UNC13C: variants seen among roughly 807,000 people sequenced by gnomAD.
UNC13C encodes the protein unc-13 homolog C, also known as protein unc-13 homolog C.
A neutral mutation model predicts 245.4 loss-of-function variants in UNC13C; 174 were observed. That is an observed-to-expected ratio of 0.71 (90% CI 0.63 to 0.80). The LOEUF (loss-of-function observed/expected upper bound fraction) is 0.80. Ranked by LOEUF, UNC13C falls within the 30% of genes least tolerant of loss-of-function variation. The pLI, the probability that UNC13C is intolerant of heterozygous loss-of-function variation, is 0.00. For missense variants in UNC13C, 2,829 were observed against 2,602.9 expected (o/e 1.09, Z -1.89); for synonymous variants, 992 against 895.1 (o/e 1.11, Z -1.93).
In UNC13C at chr15:54,261,416, A is replaced by C. The variant is rs528975125; in HGVS notation, c.3449-2752A>C. ...ATAGGGCAATGGAAAGTACTTGTAA[A>C]TCAGTGACAAAAATTTATTATGAAT... On this transcript the variant is annotated intron_variant, in intron 8 of 32. Coordinates refer to ENST00000260323, the MANE Select transcript of UNC13C (RefSeq NM_001080534.3). Among the ~76,000 whole-genome samples, 4 of 152,364 alleles carry C rather than the reference A, an allele frequency of 2.6e-5. No homozygotes were observed. The South Asian group carries it at 8.3e-4, about 32-fold the overall frequency.
At chr15:54,198,468 G>A (rs552244948) in intron 4 of UNC13C, among the ~76,000 whole-genome samples, 1 of 152,236 alleles carries the variant, frequency 6.6e-6, no homozygotes, top group East Asian at 1.9e-4. Context: ...TCACTCCCCT[G>A]CTACCTCCAG....
intron 29 of UNC13C, among the ~76,000 whole-genome samples, chr15:54,557,897 A>G (rs1016158933): frequency 5.3e-5 from 8 of 152,094 alleles, no homozygotes; most frequent in African/African-American, 1.9e-4. Flanking sequence ...TGTGGCACAT[A>G]TACACCATGG....
At chr15:54,588,495 C>A (rs1898602973) in intron 30 of UNC13C, among the ~76,000 whole-genome samples, 1 of 152,106 alleles carries the variant, frequency 6.6e-6, no homozygotes, top group Non-Finnish European at 1.5e-5. Flanking sequence ...ACAAATACTT[C>A]ATAGTAAATT....
At chr15:54,237,278 C>CA (rs2035726285) in intron 6 of UNC13C, among the ~76,000 whole-genome samples, 4 of 152,138 alleles carry the variant, frequency 2.6e-5, no homozygotes, top group Admixed American at 2.6e-4. Context: ...GAATATATCA[C>CA]AACCACCTTG....
At chr15:54,297,767 T>C in intron 11 of UNC13C, 44 bp from the exon 12 acceptor site, 1 of 1,395,270 alleles carries the variant, frequency 7.2e-7, no homozygotes. Flanking sequence ...GAGAAAAACA[T>C]TATTGTCAGA....
intron 19 of UNC13C, among the ~76,000 whole-genome samples, chr15:54,452,140 A>G (rs997608689): frequency 6.6e-6 from 1 of 152,346 alleles, no homozygotes; most frequent in East Asian, 1.9e-4. Context: ...GTGAGTCCTC[A>G]GACCCCAGTG....
intron 30 of UNC13C, among the ~76,000 whole-genome samples, chr15:54,616,421 C>T (rs1312910281): frequency 6.6e-6 from 1 of 151,864 alleles, no homozygotes; most frequent in Non-Finnish European, 1.5e-5. Flanking sequence ...TGTAAATAAG[C>T]CTGCTGTACT....
chr15:54,082,647 T>C lies in UNC13C; in HGVS notation c.2984-60371T>C, dbSNP rs149254172. On this transcript the variant is annotated intron_variant, in intron 2 of 32. Transcript: ENST00000260323. ...CTTTTGGAGTTGTCAAAACACTGTCTTTTTGTACTGCTGGAGTTCTCCTCT... is the reference window on the plus strand; with the variant it reads ...CTTTTGGAGTTGTCAAAACACTGTCCTTTTGTACTGCTGGAGTTCTCCTCT... Among the ~76,000 whole-genome samples the C allele has an allele frequency of 6.2e-3, 947 of 152,292 alleles. 6 individuals are homozygous for C. The highest frequency in any genetic ancestry group is 0.027 in the Middle Eastern group (8 of 294).
intron 30 of UNC13C, among the ~76,000 whole-genome samples, chr15:54,603,925 T>C (rs1170129210): frequency 6.6e-6 from 1 of 152,146 alleles, no homozygotes; most frequent in Non-Finnish European, 1.5e-5. Flanking sequence ...TTTTCTTTTT[T>C]TTTCCTCCTA....
chr15:54,161,765 A>G (rs2032984642), intron 4 of UNC13C, among the ~76,000 whole-genome samples: 1 of 152,114 alleles, frequency 6.6e-6, no homozygotes, highest in African/African-American at 2.4e-5. Flanking sequence ...AGCCTGACCA[A>G]CACAGAGAAA....
chr15:54,407,973 G>A (rs996230341), intron 18 of UNC13C, among the ~76,000 whole-genome samples: 10 of 151,886 alleles, frequency 6.6e-5, no homozygotes, highest in African/African-American at 2.4e-4. Context: ...AGGCCAAGGT[G>A]GGCAGATCAT....
chr15:54,500,766 A>C, intron 21 of UNC13C, 69 bp from the exon 22 acceptor site: 1 of 1,361,760 alleles, frequency 7.3e-7, no homozygotes, highest in Non-Finnish European at 1.0e-6. Flanking sequence ...GTTGATGGGA[A>C]ACAGTGAAGA....
chr15:54,546,395 C>A (rs976892684), intron 26 of UNC13C, among the ~76,000 whole-genome samples: 32 of 151,684 alleles, frequency 2.1e-4, no homozygotes, highest in African/African-American at 7.8e-4. Context: ...GTGCATCAAA[C>A]CACCATGGCA....
intron 19 of UNC13C, among the ~76,000 whole-genome samples, chr15:54,489,062 T>C (rs1357042812): frequency 6.6e-6 from 1 of 152,200 alleles, no homozygotes; most frequent in Non-Finnish European, 1.5e-5. Flanking sequence ...GATTATTTGG[T>C]AGGCATTAGT....
intron 2 of UNC13C, among the ~76,000 whole-genome samples, chr15:54,087,406 A>G (rs1899306198): frequency 6.6e-6 from 1 of 152,160 alleles, no homozygotes; most frequent in Admixed American, 6.5e-5. Flanking sequence ...TGCAAAACCT[A>G]ACTACTGAGA....
chr15:54,164,781 G>A (rs1308926038), intron 4 of UNC13C, among the ~76,000 whole-genome samples: 1 of 152,112 alleles, frequency 6.6e-6, no homozygotes, highest in South Asian at 2.1e-4. Flanking sequence ...CTAGCAAAAA[G>A]GACAGTTCTA....
At chr15:54,410,597 G>A (rs775495284) in intron 18 of UNC13C, among the ~76,000 whole-genome samples, 13 of 152,052 alleles carry the variant, frequency 8.5e-5, no homozygotes, top group Non-Finnish European at 1.8e-4. Flanking sequence ...AGTTATCCCA[G>A]CATCATTTAT....
intron 4 of UNC13C, among the ~76,000 whole-genome samples, chr15:54,171,687 C>T (rs1359282661): frequency 6.6e-6 from 1 of 152,026 alleles, no homozygotes; most frequent in African/African-American, 2.4e-5. Context: ...CTTTGGAGAA[C>T]AGTATGGAGG....
intron 20 of UNC13C, among the ~76,000 whole-genome samples, chr15:54,498,678 C>A (rs996367129): frequency 4.0e-5 from 6 of 151,802 alleles, no homozygotes; most frequent in African/African-American, 1.5e-4. Flanking sequence ...TTAAAATCAC[C>A]ACAAATAAAT....
Sources: allele counts gnomAD v4.1 joint callset (sites outside exome capture counted in the v4.1 genomes callset), GRCh38; gene constraint gnomAD v4.1.1; transcripts MANE v1.5; gene names NCBI Gene and HGNC (gene_info 2026-07-23, HGNC 2026-07-21).